The following MYL10 variants were observed in gnomAD, a reference collection of about 807,000 sequenced individuals.
MYL10 encodes myosin regulatory light chain 10.
Under a neutral mutation model 21.9 loss-of-function variants are expected in MYL10, and 18 were observed. The ratio of observed to expected loss-of-function variants is 0.82; its 90% CI spans 0.57 to 1.22. MYL10 has a LOEUF of 1.22. Ranked by LOEUF, MYL10 falls within the 50% of genes most tolerant of loss-of-function variation. MYL10 has a pLI of 0.00. For missense variants in MYL10, 225 were observed against 230.4 expected, an observed-to-expected ratio of 0.98 and a Z score of 0.15; for synonymous variants, 88 against 82.8, an observed-to-expected ratio of 1.06 and a Z score of -0.34.
At chr7:101,613,805 G>A in intron 6 of MYL10, 95 bp from the exon 7 acceptor site, 1 of 1,181,582 alleles carries the variant, frequency 8.5e-7, no homozygotes, top group Non-Finnish European at 1.3e-6. Flanking sequence ...TGGGGGCAGG[G>A]GGACATCCTG....
intron 6 of MYL10, 77 bp downstream of exon 6, chr7:101,616,143 G>C: frequency 8.0e-7 from 1 of 1,256,078 alleles, no homozygotes; most frequent in Non-Finnish European, 1.2e-6. Context: ...GAGGAGACTG[G>C]GCGACCATCC....
chr7:101,623,467 G>A (rs1378016508), intron 3 of MYL10, among the ~76,000 whole-genome samples: 1 of 152,218 alleles, frequency 6.6e-6, no homozygotes, highest in Non-Finnish European at 1.5e-5. Context: ...GGCAGAGGCA[G>A]GAGGATTGCT....
At chr7:101,626,602 T>C (rs989596092) in intron 1 of MYL10, among the ~76,000 whole-genome samples, 1 of 152,028 alleles carries the variant, frequency 6.6e-6, no homozygotes, top group African/African-American at 2.4e-5. Context: ...TCACATGAGG[T>C]GCACAGGCAA....
intron 1 of MYL10, among the ~76,000 whole-genome samples, chr7:101,624,509 C>T (rs934194682): frequency 2.0e-5 from 3 of 152,218 alleles, no homozygotes; most frequent in Non-Finnish European, 4.4e-5. Context: ...CTGGCCCTGT[C>T]CCCCGGGCTC....
intron 1 of MYL10, among the ~76,000 whole-genome samples, chr7:101,627,108 A>G (rs1796755000): frequency 1.3e-5 from 2 of 151,178 alleles, no homozygotes; most frequent in African/African-American, 4.9e-5. Flanking sequence ...CCTGGACAAC[A>G]TGGTGAAACC....
At chr7:101,624,586 A>T (rs1009313753) in intron 1 of MYL10, among the ~76,000 whole-genome samples, 2 of 151,742 alleles carry the variant, frequency 1.3e-5, no homozygotes, top group Non-Finnish European at 2.9e-5. Flanking sequence ...CAGCCTCCCC[A>T]TCTCTACCCC....
At chr7:101,620,135 A>G (rs1030486758) in intron 5 of MYL10, among the ~76,000 whole-genome samples, 1 of 152,100 alleles carries the variant, frequency 6.6e-6, no homozygotes, top group Non-Finnish European at 1.5e-5. Context: ...CAGCCTGGCC[A>G]ATGTAGTGAA....
At position 101,622,198 on chromosome 7, in the gene MYL10, G is replaced by A. The variant is rs769055034; in HGVS notation, c.352C>T (p.Arg118Cys). The A allele has an allele frequency of 1.2e-5, 20 of 1,611,364 alleles. No homozygotes were observed. The Admixed American group carries it at 1.5e-4, about 12-fold the overall frequency. The stretch of plus-strand genomic sequence containing the variant: ...AGTTCCTCGTTCTTGACATTGATGC[G>A]GCCTGTGGGAGGTGAGAGGTGGGGG... ...DLRDTFAALG[R>C]INVKNEELEA... Residue 118 changes from arginine (R) to cysteine (C), a missense_variant and splice_region_variant, in exon 5 of 8, where the codon CGC (arginine) becomes TGC (cysteine). Arg to Cys is a radical substitution (Grantham distance 180, BLOSUM62 -3). Coordinates refer to ENST00000223167, the MANE Select transcript of MYL10 (RefSeq NM_138403.5).
Position 101,627,707 on chromosome 7 carries a change from C to G in MYL10, c.78+1334G>C, listed in dbSNP as rs548763587. Among the ~76,000 whole-genome samples, 35 of 152,362 alleles carry G rather than the reference C, an allele frequency of 2.3e-4. No individual in the cohort carries two copies. The South Asian group carries it at 7.2e-3, about 32-fold the overall frequency. ...CCACGGACGCAGGGACTGCCTAAGCCTCCAGGATCTCCGAGAGCCCTGGGC... is the reference window on the plus strand; with the variant it reads ...CCACGGACGCAGGGACTGCCTAAGCGTCCAGGATCTCCGAGAGCCCTGGGC... On this transcript the variant is annotated intron_variant, in intron 1 of 7. Coordinates refer to ENST00000223167, the MANE Select transcript of MYL10 (RefSeq NM_138403.5).
rs1055766114 is a variant in MYL10 at position 101,629,217 on chromosome 7, T to C, written c.-99A>G. On this transcript the variant is annotated 5_prime_UTR_variant, in exon 1 of 8. The change abolishes an upstream ATG in the 5' untranslated region. Coordinates refer to ENST00000223167, the MANE Select transcript of MYL10 (RefSeq NM_138403.5). ...GTTCCCTTATCCCGTTCATAGGGCA[T>C]GCGATGGGGGTGTGGCTCGCTTCTT... 2.6e-5 allele frequency: 8 copies of C among 310,110 alleles called. No individual in the cohort carries two copies. Among genetic ancestry groups the C allele is most frequent in the Non-Finnish European group, 2.5e-5 (4 of 158,938 alleles). 19.2% of individuals were successfully genotyped at this position (310,110 alleles called of 1,614,324 possible). A position where few individuals can be genotyped will look rare whatever the true frequency, so the allele number is the denominator to read the frequency against.
intron 1 of MYL10, among the ~76,000 whole-genome samples, chr7:101,625,547 G>T (rs1305325074): frequency 1.3e-5 from 2 of 151,832 alleles, no homozygotes; most frequent in Non-Finnish European, 2.9e-5. Flanking sequence ...CGCCTGTGTG[G>T]TCTCCCCTGC....
rs1488292324 is a variant in MYL10 at position 101,619,142 on chromosome 7, C to A, written c.455-2844G>T. ...CCACTGGCCTTTAACACGCCTCCTT[C>A]AGTTATGTGCCTGTGGATAAAAGAA... is the stretch of plus-strand genomic sequence containing the variant. On this transcript the variant is annotated intron_variant, in intron 5 of 7. Coordinates refer to ENST00000223167, the MANE Select transcript of MYL10 (RefSeq NM_138403.5). Among the ~76,000 whole-genome samples the A allele has an allele frequency of 3.3e-5, 5 of 152,350 alleles. 1 individual carries two copies. The highest frequency in any genetic ancestry group is 1.2e-4 in the African/African-American group (5 of 41,584).
intron 5 of MYL10, among the ~76,000 whole-genome samples, chr7:101,621,660 C>T (rs749773032): frequency 2.0e-5 from 3 of 152,034 alleles, no homozygotes; most frequent in African/African-American, 7.3e-5. Context: ...GCGATCTCGG[C>T]TCACTGCAAC....
intron 1 of MYL10, among the ~76,000 whole-genome samples, chr7:101,625,706 T>A (rs957928698): frequency 1.3e-5 from 2 of 152,172 alleles, no homozygotes; most frequent in African/African-American, 4.8e-5. Context: ...GGCCGGGACG[T>A]TATGATGCTG....
chr7:101,616,354 G>T, intron 5 of MYL10, 56 bp from the exon 6 acceptor site: 1 of 1,438,444 alleles, frequency 7.0e-7, no homozygotes, highest in South Asian at 1.2e-5. Context: ...GCCCCACAGG[G>T]ACAGGCACAA....
chr7:101,629,249 C>T lies in MYL10; in HGVS notation c.-131G>A, dbSNP rs1796782154. ...GGGGTGTGGCTCGCTTCTTCCATGC[C>T]CAGCTGCTCAAACCTCTAGGCGGAC... On this transcript the variant is annotated 5_prime_UTR_variant, in exon 1 of 8. Coordinates refer to ENST00000223167, the MANE Select transcript of MYL10 (RefSeq NM_138403.5). The T allele has an allele frequency of 3.4e-6, 1 of 292,104 alleles. No homozygotes were observed. The highest frequency in any genetic ancestry group is 6.7e-6 in the Non-Finnish European group (1 of 150,190). 18.1% of individuals were successfully genotyped at this position (292,104 alleles called of 1,614,324 possible). A position where few individuals can be genotyped will look rare whatever the true frequency, so the allele number is the denominator to read the frequency against.
intron 5 of MYL10, among the ~76,000 whole-genome samples, chr7:101,620,147 C>T (rs756916383): frequency 3.9e-5 from 6 of 151,998 alleles, no homozygotes; most frequent in Admixed American, 1.3e-4. Context: ...TGTAGTGAAA[C>T]GGTATCTCTA....
chr7:101,626,916 G>T (rs1449697062), intron 1 of MYL10, among the ~76,000 whole-genome samples: 1 of 152,200 alleles, frequency 6.6e-6, no homozygotes, highest in African/African-American at 2.4e-5. Context: ...GGTCAGGAAG[G>T]TCAGTGAGAG....
At chr7:101,623,725 A>G (rs1205332377) in intron 3 of MYL10, among the ~76,000 whole-genome samples, 195 bp downstream of exon 3, 1 of 146,292 alleles carries the variant, frequency 6.8e-6, no homozygotes, top group Non-Finnish European at 1.5e-5. Context: ...AAACCTAATC[A>G]TTTAAAAATG....
Sources: allele counts gnomAD v4.1 joint callset (sites outside exome capture counted in the v4.1 genomes callset), GRCh38; gene constraint gnomAD v4.1.1; transcripts MANE v1.5; gene names NCBI Gene and HGNC (gene_info 2026-07-23, HGNC 2026-07-21).